Variants in DOP1B observed in about 807,000 individuals in gnomAD.
The protein encoded by DOP1B is protein DOP1B.
DOP1B carries 174 observed loss-of-function variants against 233.5 expected under a neutral mutation model. The ratio of observed to expected loss-of-function variants is 0.75; its 90% CI spans 0.66 to 0.85. The LOEUF is 0.85. DOP1B is among the 40% of genes least tolerant of loss of function. The pLI is 0.00. For missense variants in DOP1B, 2,652 were observed against 2,846.6 expected, an observed-to-expected ratio of 0.93 and a Z score of 1.56; for synonymous variants, 1,190 against 1,185.6, an observed-to-expected ratio of 1.00 and a Z score of -0.08.
intron 2 of DOP1B, among the ~76,000 whole-genome samples, chr21:36,195,374 C>CA (rs376644260): frequency 0.21 from 28,334 of 132,964 alleles, 3,393 homozygotes; most frequent in African/African-American, 0.34. Flanking sequence ...CCCCCCAAAA[C>CA]AAAAAAAAAA....
Position 36,231,104 on chromosome 21 carries a change from C to A in DOP1B, c.2320C>A (p.Gln774Lys). 1 of 1,602,956 alleles carries A rather than the reference C, an allele frequency of 6.2e-7. No individual in the cohort carries two copies. The highest frequency in any genetic ancestry group is 8.5e-7 in the Non-Finnish European group (1 of 1,173,322). Residue 774 changes from glutamine (Q) to lysine (K), a missense_variant, in exon 14 of 37, where the codon CAG becomes AAG. Physicochemically the swap from Gln to Lys is moderately conservative, Grantham distance 53 (BLOSUM62 1). Transcript: ENST00000691173. ...PVYLSEEETEQLCATLFQLPG... is the reference protein window; with the variant it reads ...PVYLSEEETEKLCATLFQLPG... The stretch of plus-strand genomic sequence containing the variant: ...CTACCTGTCCGAGGAAGAGACCGAG[C>A]AGCTCTGTGCAACGCTCTTCCAGCT...
chr21:36,254,194 G>T (rs2067066381), intron 23 of DOP1B, among the ~76,000 whole-genome samples: 1 of 152,128 alleles, frequency 6.6e-6, no homozygotes, highest in Non-Finnish European at 1.5e-5. Flanking sequence ...CGCCTTCTGG[G>T]CACCAAGTGG....
chr21:36,292,903 C>T (rs2067575901), intron 36 of DOP1B, among the ~76,000 whole-genome samples: 2 of 152,140 alleles, frequency 1.3e-5, no homozygotes, highest in African/African-American at 4.8e-5. Context: ...CGAGAGCCAC[C>T]GTGTCCAGCC....
At chr21:36,225,689 T>G in intron 12 of DOP1B, 22 bp downstream of exon 12, 1 of 1,610,902 alleles carries the variant, frequency 6.2e-7, no homozygotes, top group African/African-American at 1.3e-5. Context: ...GGAAGGGACA[T>G]CTCAACGCCT....
chr21:36,246,465 C>G lies in DOP1B; in HGVS notation c.4485C>G (p.Ser1495=). 6.2e-7 allele frequency: 1 copy of G among 1,614,048 alleles called. No homozygotes were observed. The highest frequency in any genetic ancestry group is 1.1e-5 in the South Asian group (1 of 91,082). The change falls in exon 19 of 37, where the codon TCC becomes TCG. Residue 1495 remains serine (S), a synonymous_variant. Coordinates refer to ENST00000691173, the MANE Select transcript of DOP1B (RefSeq NM_001320714.2). This position sits in a 1 kb window ranked among gnomAD's most constrained non-coding sequence, Gnocchi z 5.1. ...LQYVQPHPLT[S]QGLLVSAVVR... ...ACGTGCAGCCCCACCCCCTCACCTC[C>G]CAGGGTCTTCTGGTCTCTGCGGTGG...
In DOP1B at chr21:36,293,572, C is replaced by A. The variant is rs1298256478; in HGVS notation, c.*1C>A. On this transcript the variant is annotated 3_prime_UTR_variant, in exon 37 of 37. Transcript: ENST00000691173. ...TTTTCTGGAACATCCAGAATGTTAA[C>A]CATGTGAGAGAGAATATGTTTAATC... is the stretch of plus-strand genomic sequence containing the variant. 3 of 1,613,776 alleles carry A rather than the reference C, an allele frequency of 1.9e-6. No individual in the cohort carries two copies. The highest frequency in any genetic ancestry group is 1.1e-5 in the South Asian group (1 of 91,062).
Position 36,292,240 on chromosome 21 carries a change from GCTTTT to G in DOP1B, c.6645+23_6645+27del, listed in dbSNP as rs771016148. ...TCTAAAATTAAAGTTTGGGGTAAGT[GCTTTT>G]CTTTTCTTTTCTTTTTTTTTTTTTT... On this transcript the variant is annotated splice_region_variant and intron_variant, in intron 36 of 36. Transcript: ENST00000691173. 12 of 1,560,454 alleles carry G rather than the reference GCTTTT, an allele frequency of 7.7e-6. No individual in the cohort carries two copies. The highest frequency in any genetic ancestry group is 2.2e-5 in the Admixed American group (1 of 46,370).
chr21:36,257,811 GTAGA>G (rs2067122481), intron 23 of DOP1B, among the ~76,000 whole-genome samples: 2 of 145,744 alleles, frequency 1.4e-5, no homozygotes, highest in Admixed American at 6.8e-5. Context: ...GGGTAGGTAT[GTAGA>G]TAGATGTAGG....
intron 25 of DOP1B, 26 bp from the exon 26 acceptor site, chr21:36,263,722 A>G (rs1569059788): frequency 6.2e-7 from 1 of 1,614,008 alleles, no homozygotes; most frequent in South Asian, 1.1e-5. Flanking sequence ...AGCATTTTTA[A>G]TCTGAAGCTG....
At chr21:36,158,695 C>T (rs550446345) in intron 1 of DOP1B, among the ~76,000 whole-genome samples, 125 of 151,222 alleles carry the variant, frequency 8.3e-4, no homozygotes, top group Non-Finnish European at 1.5e-3. Context: ...CCCAGCTACT[C>T]GGGAGTCTGA....
At chr21:36,239,529 A>G (rs1476776287) in intron 17 of DOP1B, among the ~76,000 whole-genome samples, 1 of 152,242 alleles carries the variant, frequency 6.6e-6, no homozygotes, top group Non-Finnish European at 1.5e-5. Context: ...ACTCAGATAT[A>G]TAACCCATTT....
At chr21:36,201,342 A>ATTTTTTT (rs1187890925) in intron 4 of DOP1B, among the ~76,000 whole-genome samples, 4 of 46,974 alleles carry the variant, frequency 8.5e-5, no homozygotes, top group African/African-American at 4.9e-4. Flanking sequence ...TATCTATTGG[A>ATTTTTTT]TTCTTTTTTT....
At chr21:36,199,560 G>A (rs142798284) in intron 3 of DOP1B, among the ~76,000 whole-genome samples, 3,156 of 152,048 alleles carry the variant, frequency 0.021, 93 homozygotes, top group African/African-American at 0.068. Flanking sequence ...TACATTAGGT[G>A]TATCTCCTAG....
At chr21:36,194,220 G>C (rs1041925439) in intron 2 of DOP1B, among the ~76,000 whole-genome samples, 3 of 152,090 alleles carry the variant, frequency 2.0e-5, no homozygotes, top group Non-Finnish European at 2.9e-5. Context: ...TCTGTGTGAC[G>C]ACAGCTCCAA....
chr21:36,194,485 CTCT>C (rs1424778369), intron 2 of DOP1B, among the ~76,000 whole-genome samples: 25 of 124,560 alleles, frequency 2.0e-4, no homozygotes, highest in African/African-American at 4.9e-4. Context: ...CTCTCTCTCT[CTCT>C]TTTTTTTTTT....
At chr21:36,263,522 T>C in intron 24 of DOP1B, 24 bp from the exon 25 acceptor site, 2 of 1,596,682 alleles carry the variant, frequency 1.3e-6, no homozygotes, top group Non-Finnish European at 1.7e-6. Context: ...GGTTGAGTAT[T>C]TTTCCTATCT....
rs1601416970 is a variant in DOP1B, at chr21:36,214,095, G to A, written c.919G>A (p.Gly307Arg). ...YAWLLGSDIK[G>R]NTVVPESEIS... The stretch of plus-strand genomic sequence containing the variant: ...TTCTTTTGTAGGCTCAGACATAAAA[G>A]GAAATACCGTTGTGCCAGAATCTGA... The change falls in exon 8 of 37, where the codon GGA becomes AGA. Residue 307 changes from glycine to arginine, a missense_variant. Physicochemically the swap from Gly to Arg is moderately radical, Grantham distance 125. Coordinates refer to ENST00000691173, the MANE Select transcript of DOP1B (RefSeq NM_001320714.2). 1.9e-6 allele frequency: 3 copies of A among 1,613,206 alleles called. No homozygotes were observed. Among genetic ancestry groups the A allele is most frequent in the African/African-American group, 2.7e-5 (2 of 74,856 alleles).
At chr21:36,212,126 T>A in intron 7 of DOP1B, 29 bp downstream of exon 7, 1 of 1,530,458 alleles carries the variant, frequency 6.5e-7, no homozygotes, top group Non-Finnish European at 8.8e-7. Flanking sequence ...CCTTTTAAAG[T>A]CAAAGTTAAT....
chr21:36,180,138 TA>T (rs11422537), intron 2 of DOP1B, among the ~76,000 whole-genome samples: 18 of 151,250 alleles, frequency 1.2e-4, no homozygotes, highest in Non-Finnish European at 2.4e-4. Flanking sequence ...TTTATAAAGT[TA>T]AAAAAAAACT....
Sources: gnomAD v4.1 joint callset for allele counts (sites outside exome capture counted in the v4.1 genomes callset) on GRCh38, gnomAD v4.1.1 for gene constraint, Gnocchi (gnomAD v3.1) non-coding constraint, MANE v1.5 for transcripts, NCBI Gene and HGNC (gene_info 2026-07-23, HGNC 2026-07-21) for gene names.